Variants in PRKG1 observed in about 807,000 individuals in gnomAD.
The protein encoded by PRKG1 is protein kinase cGMP-dependent 1, also known as cGMP-dependent protein kinase 1.
PRKG1 carries 35 observed loss-of-function variants against 88.1 expected under a neutral mutation model. The observed-to-expected ratio is 0.40, with a 90% CI of 0.30 to 0.53. The LOEUF (loss-of-function observed/expected upper bound fraction) is 0.53. PRKG1 is among the 20% of genes least tolerant of loss of function. PRKG1 has a pLI of 0.59. For missense variants in PRKG1, 540 were observed against 839.8 expected (o/e 0.64, Z 4.41); for synonymous variants, 303 against 292.5 (o/e 1.04, Z -0.37).
chr10:51,183,301 G>A (rs1253723894), intron 2 of PRKG1, among the ~76,000 whole-genome samples: 1 of 152,202 alleles, frequency 6.6e-6, no homozygotes, highest in African/African-American at 2.4e-5. Context: ...TCATTACCGA[G>A]TGAAGTGAAT....
At chr10:51,648,764 C>T (rs1391640306) in intron 3 of PRKG1, among the ~76,000 whole-genome samples, 1 of 152,092 alleles carries the variant, frequency 6.6e-6, no homozygotes, top group Non-Finnish European at 1.5e-5. Context: ...AATGTCTAAA[C>T]TTCATCCTTC....
At chr10:52,217,303 G>A (rs190070118) in intron 9 of PRKG1, among the ~76,000 whole-genome samples, 14 of 151,306 alleles carry the variant, frequency 9.3e-5, no homozygotes, top group African/African-American at 3.4e-4. Context: ...AGATGTGCGG[G>A]GTAAATATAC....
At chr10:51,090,959 A>G (rs1462668945) in intron 1 of PRKG1, among the ~76,000 whole-genome samples, 9 of 152,234 alleles carry the variant, frequency 5.9e-5, no homozygotes, top group African/African-American at 2.2e-4. Flanking sequence ...TCAGACGTAG[A>G]ACATAATCTT....
rs181755311 is a variant in PRKG1, at chr10:51,115,377, A to G, written c.312-37787A>G. 7.3e-4 allele frequency among the ~76,000 whole-genome samples: 59 copies of G among 80,956 alleles called. 6 individuals carry two copies. Among genetic ancestry groups the G allele is most frequent in the African/African-American group, 1.8e-3 (50 of 28,118 alleles). The allele number at this position is 80,956 out of a possible 152,430, so 53.1% of individuals were successfully genotyped here. A position where few individuals can be genotyped will look rare whatever the true frequency, so the allele number is the denominator to read the frequency against. On this transcript the variant is annotated intron_variant, in intron 1 of 17. Transcript: ENST00000373980. The stretch of plus-strand genomic sequence containing the variant: ...TACAATAATGTTCCTTTAAACATAT[A>G]TATATATAAAACAAATGTGAAAGGG...
chr10:51,710,234 G>T (rs1401021309), intron 3 of PRKG1, among the ~76,000 whole-genome samples: 2 of 152,144 alleles, frequency 1.3e-5, no homozygotes, highest in East Asian at 3.9e-4. Flanking sequence ...ACAAGATAGA[G>T]AATAGACGAT....
intron 1 of PRKG1, among the ~76,000 whole-genome samples, chr10:51,146,981 C>T (rs901136097): frequency 1.3e-5 from 2 of 152,090 alleles, no homozygotes; most frequent in Non-Finnish European, 2.9e-5. Context: ...GAATGAAATC[C>T]TGTCATTTGT....
intron 3 of PRKG1, among the ~76,000 whole-genome samples, chr10:51,560,986 C>T (rs1837443734): frequency 1.3e-5 from 2 of 151,758 alleles, no homozygotes; most frequent in African/African-American, 4.8e-5. Context: ...GTGGCTCATG[C>T]CTGTAATCCT....
intron 12 of PRKG1, among the ~76,000 whole-genome samples, chr10:52,276,779 T>C (rs1841883668): frequency 6.6e-6 from 1 of 152,204 alleles, no homozygotes; most frequent in Non-Finnish European, 1.5e-5. Flanking sequence ...ACATTGTCAT[T>C]TCCAATTCTA....
In PRKG1 at chr10:52,030,765, G is replaced by C. The variant is rs115549444; in HGVS notation, c.763-23719G>C. On this transcript the variant is annotated intron_variant, in intron 5 of 17. Transcript: ENST00000373980. ...AATAATAATGACTCCAGGTCAATTTGAAAAAGTTAAATGCACCCATAAGAT... is the reference window on the plus strand; with the variant it reads ...AATAATAATGACTCCAGGTCAATTTCAAAAAGTTAAATGCACCCATAAGAT... Among the ~76,000 whole-genome samples, 1,182 of 152,182 alleles carry C rather than the reference G, an allele frequency of 7.8e-3. 11 individuals are homozygous for C. The highest frequency in any genetic ancestry group is 0.027 in the African/African-American group (1,140 of 41,532).
intron 3 of PRKG1, among the ~76,000 whole-genome samples, chr10:51,511,577 T>A (rs911856609): frequency 6.6e-6 from 1 of 152,212 alleles, no homozygotes; most frequent in Non-Finnish European, 1.5e-5. Context: ...TCAGTTAACA[T>A]ATGAAATGTG....
chr10:51,209,723 A>G (rs1280208070), intron 2 of PRKG1, among the ~76,000 whole-genome samples: 5 of 152,162 alleles, frequency 3.3e-5, no homozygotes, highest in Non-Finnish European at 5.9e-5. Context: ...TGAAAGCAAA[A>G]CACAAATTAG....
At chr10:51,814,922 G>A (rs1442330562) in intron 4 of PRKG1, among the ~76,000 whole-genome samples, 1 of 152,070 alleles carries the variant, frequency 6.6e-6, no homozygotes, top group Non-Finnish European at 1.5e-5. Flanking sequence ...TAATAAGATA[G>A]TTGATTATAT....
intron 5 of PRKG1, among the ~76,000 whole-genome samples, chr10:51,950,548 C>T (rs530983716): frequency 1.5e-4 from 23 of 152,350 alleles, no homozygotes; most frequent in Middle Eastern, 3.4e-3. Context: ...TGAGCCAGGG[C>T]GGGATCTGGC....
At position 52,272,469 on chromosome 10, in the gene PRKG1, T is replaced by C. The variant is rs1008442154; in HGVS notation, c.1391T>C (p.Ile464Thr). ...TGTCTAGGTGGAGAGCTCTGGACCATTCTCAGGGATAGGTAGGAGATTTAA... is the reference window on the plus strand; with the variant it reads ...TGTCTAGGTGGAGAGCTCTGGACCACTCTCAGGGATAGGTAGGAGATTTAA... ...EACLGGELWT[I>T]LRDRGSFEDS... The change falls in exon 12 of 18, where the codon ATT (isoleucine) becomes ACT (threonine). Residue 464 changes from isoleucine to threonine, a missense_variant. Physicochemically the swap from Ile to Thr is moderately conservative, Grantham distance 89. Coordinates refer to ENST00000373980, the MANE Select transcript of PRKG1 (RefSeq NM_006258.4). 1.9e-6 allele frequency: 3 copies of C among 1,604,866 alleles called. No homozygotes were observed. The highest frequency in any genetic ancestry group is 2.6e-6 in the Non-Finnish European group (3 of 1,173,504).
intron 2 of PRKG1, among the ~76,000 whole-genome samples, chr10:51,450,756 T>C (rs1276735801): frequency 1.3e-5 from 2 of 151,630 alleles, no homozygotes; most frequent in Non-Finnish European, 2.9e-5. Context: ...GACCTAAGAG[T>C]GCTTTGTGAA....
intron 3 of PRKG1, among the ~76,000 whole-genome samples, chr10:51,678,651 C>G (rs1840770440): frequency 6.6e-6 from 1 of 152,178 alleles, no homozygotes; most frequent in Admixed American, 6.5e-5. Flanking sequence ...GGTGGCATAA[C>G]TTAAGAAAAT....
intron 10 of PRKG1, among the ~76,000 whole-genome samples, chr10:52,255,379 A>G (rs1189494345): frequency 6.6e-6 from 1 of 152,054 alleles, no homozygotes; most frequent in South Asian, 2.1e-4. Flanking sequence ...TGACTCAAAG[A>G]CAAACTGATT....
In PRKG1 at chr10:52,141,846, G is replaced by A. The variant is rs193245292; in HGVS notation, c.1001+7941G>A. ...ACATACAAACCAGAGCTTACCAAGC[G>A]TTTTTTAGAAAAGGCCAAACAATAA... On this transcript the variant is annotated intron_variant, in intron 8 of 17. Coordinates refer to ENST00000373980, the MANE Select transcript of PRKG1 (RefSeq NM_006258.4). Among the ~76,000 whole-genome samples, 220 of 152,156 alleles carry A rather than the reference G, an allele frequency of 1.4e-3. 1 individual carries two copies. Among genetic ancestry groups the A allele is most frequent in the African/African-American group, 4.7e-3 (194 of 41,542 alleles).
intron 4 of PRKG1, among the ~76,000 whole-genome samples, chr10:51,861,898 G>A (rs1437836325): frequency 1.3e-5 from 2 of 152,160 alleles, no homozygotes; most frequent in Non-Finnish European, 2.9e-5. Flanking sequence ...AACCCACTTG[G>A]CCCAACAGGC....
Sources: gnomAD v4.1 joint callset for allele counts (sites outside exome capture counted in the v4.1 genomes callset) on GRCh38, gnomAD v4.1.1 for gene constraint, MANE v1.5 for transcripts, NCBI Gene and HGNC (gene_info 2026-07-23, HGNC 2026-07-21) for gene names.